Variants in SKOR2 observed in about 807,000 individuals in gnomAD.
SKOR2 encodes SKI family transcriptional corepressor 2.
In SKOR2, 47 loss-of-function variants were observed where a neutral mutation model predicts 69.1. The observed-to-expected ratio is 0.68, with a 90% CI of 0.54 to 0.87. The LOEUF is 0.87. Among genes scored for constraint, SKOR2 ranks in the 40% least tolerant of loss-of-function variants. The pLI is 0.00. For synonymous variants in SKOR2, 717 were observed against 672.6 expected (o/e 1.07, Z -1.02); for missense variants, 1,404 against 1,472.2 (o/e 0.95, Z 0.76).
intron 7 of SKOR2, among the ~76,000 whole-genome samples, chr18:47,219,400 T>G (rs1052292763): frequency 6.5e-5 from 2 of 30,554 alleles, no homozygotes; most frequent in African/African-American, 1.2e-4. Context: ...ATCTTCCTGT[T>G]TTTTTTTTCC....
intron 7 of SKOR2, among the ~76,000 whole-genome samples, chr18:47,218,180 G>T (rs970056362): frequency 6.6e-6 from 1 of 151,954 alleles, no homozygotes; most frequent in African/African-American, 2.4e-5. Flanking sequence ...TTAAATAAGG[G>T]CACTAAAAGA....
Position 47,248,694 on chromosome 18 carries a change from A to G in SKOR2, c.490T>C (p.Tyr164His). The G allele has an allele frequency of 6.4e-7, 1 of 1,563,444 alleles. No individual in the cohort carries two copies. Among genetic ancestry groups the G allele is most frequent in the Non-Finnish European group, 8.6e-7 (1 of 1,160,796 alleles). ...ATGCACTTGGCGCGCGAGCTGTTGT[A>G]GCGCGCGGGAATGAAGCTGCCGCGG... The part of the protein sequence containing the change: ...GCRGSFIPAR[Y>H]NSSRAKCIKC... Residue 164 changes from tyrosine to histidine, a missense_variant, in exon 2 of 9, where the codon TAC becomes CAC. By Grantham distance (83) the Tyr-to-His change is moderately conservative (BLOSUM62 2). Around this residue, in one of 3 missense-constraint regions of SKOR2, gnomAD observed 1,266 missense variants for 1,309.9 expected, o/e 0.97. Coordinates refer to ENST00000425639, the MANE Select transcript of SKOR2 (RefSeq NM_001278063.4). The surrounding 1 kb of genome is among the most constrained non-coding windows in gnomAD (Gnocchi z 6.4).
intron 4 of SKOR2, among the ~76,000 whole-genome samples, chr18:47,236,778 A>AT (rs143812925): frequency 3.6e-4 from 54 of 149,546 alleles, no homozygotes; most frequent in East Asian, 2.0e-3. Flanking sequence ...CGATGGTATT[A>AT]TTTTTTTTTT....
chr18:47,222,997 A>G (rs539052054), intron 6 of SKOR2, among the ~76,000 whole-genome samples: 8 of 152,348 alleles, frequency 5.3e-5, no homozygotes, highest in Admixed American at 3.3e-4. Context: ...TAAAAGGCAA[A>G]AACTGAAAAG....
intron 7 of SKOR2, 23 bp from the exon 8 acceptor site, chr18:47,212,174 A>C: frequency 8.1e-7 from 1 of 1,231,812 alleles, no homozygotes. Flanking sequence ...AACAAGCAAC[A>C]CCATCCAGGT....
At chr18:47,239,059 C>T (rs2064237581) in intron 4 of SKOR2, among the ~76,000 whole-genome samples, 1 of 152,148 alleles carries the variant, frequency 6.6e-6, no homozygotes, top group Admixed American at 6.5e-5. Context: ...TTTTCTCTGT[C>T]TCTGATACTC....
At chr18:47,230,891 T>C (rs2064195245) in intron 5 of SKOR2, 44 bp downstream of exon 5, 5 of 1,515,386 alleles carry the variant, frequency 3.3e-6, no homozygotes, top group Non-Finnish European at 4.4e-6. Flanking sequence ...TCCACAGTCG[T>C]TTAAAGCTAA....
intron 7 of SKOR2, among the ~76,000 whole-genome samples, chr18:47,218,961 T>C (rs2144484455): frequency 6.6e-6 from 1 of 152,326 alleles, no homozygotes; most frequent in Middle Eastern, 3.4e-3. Context: ...CTTAGGAATC[T>C]CCACTAACAC....
At chr18:47,245,640 G>A (rs2064269736) in intron 2 of SKOR2, 79 bp from the exon 3 acceptor site, 6 of 1,354,572 alleles carry the variant, frequency 4.4e-6, no homozygotes, top group Admixed American at 2.9e-5. Flanking sequence ...GCAGGAAGAA[G>A]CATCAATAAA....
At chr18:47,207,840 A>G (rs2064117458) in intron 8 of SKOR2, among the ~76,000 whole-genome samples, 1 of 152,228 alleles carries the variant, frequency 6.6e-6, no homozygotes, top group Non-Finnish European at 1.5e-5. Context: ...ATACCAACAA[A>G]AAATAATATT....
Position 47,230,522 on chromosome 18 carries a change from A to C in SKOR2, c.2854T>G (p.Leu952Val). The C allele has an allele frequency of 1.4e-6, 2 of 1,443,282 alleles. No homozygotes were observed. Among genetic ancestry groups the C allele is most frequent in the Non-Finnish European group, 1.8e-6 (2 of 1,105,104 alleles). The allele number at this position is 1,443,282 out of a possible 1,614,324, so 89.4% of individuals were successfully genotyped here. A position where few individuals can be genotyped will look rare whatever the true frequency, so the allele number is the denominator to read the frequency against. The change falls in exon 6 of 9, where the codon TTA becomes GTA. Residue 952 changes from leucine (L) to valine (V), a missense_variant. Around this residue, in one of 3 missense-constraint regions of SKOR2, gnomAD observed 1,266 missense variants for 1,309.9 expected, o/e 0.97. Transcript: ENST00000425639. ...LQKVLFEQIDLRRRLEQEFQV... is the reference protein window; with the variant it reads ...LQKVLFEQIDVRRRLEQEFQV... ...AATTCTTGTTCCAGTCGTCTCCGTA[A>C]ATCTATTTGTTCAAATAAAACCTTC...
Position 47,249,084 on chromosome 18 carries a change from C to G in SKOR2, c.100G>C (p.Ala34Pro). The change falls in exon 2 of 9, where the codon GCC (alanine) becomes CCC (proline). Residue 34 changes from alanine to proline, a missense_variant. Ala to Pro is a conservative substitution (Grantham distance 27). This residue lies in a region of SKOR2 where 104 missense variants were observed against 95.7 expected (regional missense o/e 1.09). Coordinates refer to ENST00000425639, the MANE Select transcript of SKOR2 (RefSeq NM_001278063.4). ...CCCACCTGGTTGGGTTTGAGGTTGG[C>G]GTGCCCTGGCCGCGGCTGGCTCAGC... ...DTLSQPRPGH[A>P]NLKPNQVGQV... is the part of the protein sequence containing the mutation. The G allele has an allele frequency of 1.3e-6, 2 of 1,536,452 alleles. No homozygotes were observed. The highest frequency in any genetic ancestry group is 1.7e-4 in the Middle Eastern group (1 of 5,990).
intron 7 of SKOR2, among the ~76,000 whole-genome samples, chr18:47,214,193 C>A (rs1441590212): frequency 6.6e-6 from 1 of 152,136 alleles, no homozygotes; most frequent in East Asian, 1.9e-4. Context: ...TCAACCTAAT[C>A]CAAAGAAACC....
At chr18:47,216,040 A>G (rs1450915466) in intron 7 of SKOR2, among the ~76,000 whole-genome samples, 1 of 152,214 alleles carries the variant, frequency 6.6e-6, no homozygotes, top group African/African-American at 2.4e-5. Flanking sequence ...CAGTCCTTGG[A>G]AAAACTTTAA....
intron 6 of SKOR2, among the ~76,000 whole-genome samples, chr18:47,227,302 C>G (rs1175738243): frequency 6.6e-6 from 1 of 151,306 alleles, no homozygotes; most frequent in Non-Finnish European, 1.5e-5. Context: ...CCTCATTAAC[C>G]CTTGGAACCA....
At chr18:47,219,837 G>T in intron 7 of SKOR2, 106 bp downstream of exon 7, 1 of 974,226 alleles carries the variant, frequency 1.0e-6, no homozygotes, top group Non-Finnish European at 1.5e-6. Context: ...AGAGGTAAGT[G>T]GACCAAAGGA....
chr18:47,228,818 A>G (rs2064187472), intron 6 of SKOR2, among the ~76,000 whole-genome samples: 1 of 152,248 alleles, frequency 6.6e-6, no homozygotes, highest in African/African-American at 2.4e-5. Flanking sequence ...TCTCAAAGCT[A>G]TAAGTATCAC....
Position 47,247,876 on chromosome 18 carries a change from G to C in SKOR2, c.1308C>G (p.Gly436=). ...CCGCGCCCGCGCCGCCTGCGCCCGC[G>C]CCCCCCAGGGCCTCAGCGGCGGCAC... is the stretch of plus-strand genomic sequence containing the variant. ...DAGAAAEALG[G]AGAGGAGAAP... Residue 436 remains glycine (G), a synonymous_variant, in exon 2 of 9, where the codon GGC becomes GGG. Coordinates refer to ENST00000425639, the MANE Select transcript of SKOR2 (RefSeq NM_001278063.4). The surrounding 1 kb of genome is among the most constrained non-coding windows in gnomAD (Gnocchi z 6.6). 1 of 1,354,148 alleles carries C rather than the reference G, an allele frequency of 7.4e-7. No individual in the cohort carries two copies. Among genetic ancestry groups the C allele is most frequent in the Non-Finnish European group, 9.4e-7 (1 of 1,063,084 alleles). The allele number at this position is 1,354,148 out of a possible 1,614,324, so 83.9% of individuals were successfully genotyped here. A position where few individuals can be genotyped will look rare whatever the true frequency, so the allele number is the denominator to read the frequency against.
intron 7 of SKOR2, among the ~76,000 whole-genome samples, chr18:47,217,747 G>A (rs573143668): frequency 6.6e-6 from 1 of 151,694 alleles, no homozygotes; most frequent in Non-Finnish European, 1.5e-5. Flanking sequence ...AGGGGAAGAA[G>A]CAGGAGGGAC....
Sources: gnomAD v4.1 joint callset for allele counts (sites outside exome capture counted in the v4.1 genomes callset) on GRCh38, gnomAD v4.1.1 for gene constraint, gnomAD v4.1.1 regional missense constraint, Gnocchi (gnomAD v3.1) non-coding constraint, MANE v1.5 for transcripts, NCBI Gene and HGNC (gene_info 2026-07-23, HGNC 2026-07-21) for gene names.